DACH1: variants seen among roughly 807,000 people sequenced by gnomAD.
The protein encoded by DACH1 is dachshund homolog 1.
DACH1 carries 12 observed loss-of-function variants against 54.2 expected under a neutral mutation model. The observed-to-expected ratio is 0.22, with a 90% CI of 0.14 to 0.36. DACH1 has a LOEUF of 0.36. DACH1 is among the 10% of genes least tolerant of loss of function. The pLI is 1.00. For missense variants in DACH1, 805 were observed against 929.8 expected (o/e 0.87, Z 1.75); for synonymous variants, 386 against 366.2 (o/e 1.05, Z -0.62).
chr13:71,453,639 C>T (rs1043666920), intron 10 of DACH1, among the ~76,000 whole-genome samples: 2 of 152,020 alleles, frequency 1.3e-5, no homozygotes, highest in Non-Finnish European at 2.9e-5. Context: ...TTTCTATTTT[C>T]TCCAACATGA....
At chr13:71,780,772 T>C (rs1047239647) in intron 1 of DACH1, among the ~76,000 whole-genome samples, 8 of 152,192 alleles carry the variant, frequency 5.3e-5, no homozygotes, top group African/African-American at 1.9e-4. Flanking sequence ...CTTTCTTTCC[T>C]GCCTTTTTAA....
At chr13:71,687,009 G>A (rs1346752263) in intron 1 of DACH1, among the ~76,000 whole-genome samples, 1 of 152,140 alleles carries the variant, frequency 6.6e-6, no homozygotes, top group African/African-American at 2.4e-5. Flanking sequence ...AGGATACATG[G>A]CAGCAAATGA....
chr13:71,645,780 A>G (rs535162120), intron 2 of DACH1, among the ~76,000 whole-genome samples: 1 of 152,314 alleles, frequency 6.6e-6, no homozygotes, highest in South Asian at 2.1e-4. Context: ...TCTTTCAACC[A>G]CCAGGAGCTT....
intron 1 of DACH1, among the ~76,000 whole-genome samples, chr13:71,724,441 C>A (rs978651110): frequency 1.3e-5 from 2 of 152,064 alleles, no homozygotes; most frequent in African/African-American, 4.8e-5. Context: ...TCAATGCATG[C>A]CAATTTAAAT....
At chr13:71,540,808 T>G (rs1364363963) in intron 6 of DACH1, among the ~76,000 whole-genome samples, 1 of 151,944 alleles carries the variant, frequency 6.6e-6, no homozygotes, top group African/African-American at 2.4e-5. Context: ...TTGAACAAAC[T>G]CAACTTCAAC....
intron 1 of DACH1, among the ~76,000 whole-genome samples, chr13:71,811,601 T>C (rs1282442419): frequency 6.6e-6 from 1 of 152,256 alleles, no homozygotes; most frequent in South Asian, 2.1e-4. Flanking sequence ...ATGGAGAAAC[T>C]CTTGGAATAA....
rs1877936168 is a variant in DACH1 at position 71,480,486 on chromosome 13, G to A, written c.1723-1170C>T. On this transcript the variant is annotated intron_variant, in intron 7 of 10. Coordinates refer to ENST00000613252, the MANE Select transcript of DACH1 (RefSeq NM_080759.6). Reference sequence around the variant, plus strand: ...TGGAAATATGTTAAACATATAAAAAGCATTCTCTGTTTTCTCTCCTAAGAT... The same window carrying A: ...TGGAAATATGTTAAACATATAAAAAACATTCTCTGTTTTCTCTCCTAAGAT... Among the ~76,000 whole-genome samples, 3 of 152,208 alleles carry A rather than the reference G, an allele frequency of 2.0e-5. No homozygotes were observed. In the South Asian group the frequency reaches 6.2e-4, roughly 32 times the overall value.
At chr13:71,480,933 G>A (rs542689801) in intron 7 of DACH1, among the ~76,000 whole-genome samples, 2 of 121,506 alleles carry the variant, frequency 1.6e-5, no homozygotes, top group East Asian at 5.1e-4. Context: ...AGATTTCTCC[G>A]TGGCAGGTTG....
chr13:71,577,873 C>A, intron 3 of DACH1, among the ~76,000 whole-genome samples: 1 of 152,174 alleles, frequency 6.6e-6, no homozygotes, highest in African/African-American at 2.4e-5. Flanking sequence ...TGTGTACGCA[C>A]GGCACCAATT....
intron 1 of DACH1, among the ~76,000 whole-genome samples, chr13:71,736,868 A>T (rs189054514): frequency 1.4e-4 from 22 of 152,354 alleles, no homozygotes; most frequent in African/African-American, 4.8e-4. Context: ...GGAATCAGAC[A>T]CAGATCCTGT....
chr13:71,770,933 T>C (rs1885828354), intron 1 of DACH1, among the ~76,000 whole-genome samples: 1 of 151,570 alleles, frequency 6.6e-6, no homozygotes, highest in African/African-American at 2.4e-5. Context: ...AACTTCCCTG[T>C]ACTAGGACTT....
chr13:71,833,929 T>G (rs7988860), intron 1 of DACH1, among the ~76,000 whole-genome samples: 144,641 of 152,056 alleles, frequency 0.95, 69,184 homozygotes, highest in East Asian at 1. Flanking sequence ...GTACACCCTA[T>G]CTAGGGTTGG....
intron 4 of DACH1, among the ~76,000 whole-genome samples, chr13:71,562,990 A>C (rs1317914656): frequency 6.6e-6 from 1 of 152,076 alleles, no homozygotes; most frequent in Non-Finnish European, 1.5e-5. Flanking sequence ...ATCAAGAAAC[A>C]ATACTGCAGC....
intron 2 of DACH1, among the ~76,000 whole-genome samples, chr13:71,669,573 A>C (rs1174171916): frequency 6.6e-6 from 1 of 151,834 alleles, no homozygotes; most frequent in Non-Finnish European, 1.5e-5. Context: ...CTTCCCACCC[A>C]CCCCCATCAG....
At position 71,760,221 on chromosome 13, in the gene DACH1, A is replaced by T. The variant is rs193239856; in HGVS notation, c.849-78311T>A. The stretch of plus-strand genomic sequence containing the variant: ...TTCAATTGGATTTGCTCGTGGTGAC[A>T]AAATTGTTGCTTTGCTGAGAGGAGG... On this transcript the variant is annotated intron_variant, in intron 1 of 10. Coordinates refer to ENST00000613252, the MANE Select transcript of DACH1 (RefSeq NM_080759.6). Among the ~76,000 whole-genome samples the T allele has an allele frequency of 2.6e-5, 4 of 152,288 alleles. No homozygotes were observed. In the East Asian group the frequency reaches 5.8e-4, roughly 22 times the overall value.
intron 6 of DACH1, among the ~76,000 whole-genome samples, chr13:71,545,115 T>C (rs937907239): frequency 6.6e-6 from 1 of 152,088 alleles, no homozygotes; most frequent in Non-Finnish European, 1.5e-5. Context: ...AAAACAAACT[T>C]GCTTTTTTCA....
intron 1 of DACH1, among the ~76,000 whole-genome samples, chr13:71,832,430 G>A (rs530870671): frequency 5.9e-5 from 9 of 151,912 alleles, no homozygotes; most frequent in East Asian, 1.9e-4. Context: ...AAAAAAATAA[G>A]TGTTTCGATT....
intron 3 of DACH1, among the ~76,000 whole-genome samples, chr13:71,607,960 T>A (rs190684583): frequency 3.9e-5 from 6 of 152,108 alleles, no homozygotes; most frequent in Non-Finnish European, 8.8e-5. Flanking sequence ...TTAAGTGATA[T>A]GTATTAATTC....
intron 5 of DACH1, among the ~76,000 whole-genome samples, chr13:71,558,323 T>G (rs1284148841): frequency 1.3e-5 from 2 of 152,042 alleles, no homozygotes; most frequent in Admixed American, 1.3e-4. Flanking sequence ...TAAAGTAATA[T>G]GTTACATATA....
Sources: allele counts gnomAD v4.1 joint callset (sites outside exome capture counted in the v4.1 genomes callset), GRCh38; gene constraint gnomAD v4.1.1; transcripts MANE v1.5; gene names NCBI Gene and HGNC (gene_info 2026-07-23, HGNC 2026-07-21).